Variants in FANCI observed in about 807,000 individuals in gnomAD.
The protein encoded by FANCI is FA complementation group I.
FANCI carries 156 observed loss-of-function variants against 176.1 expected under a neutral mutation model. That is an observed-to-expected ratio of 0.89 (90% confidence interval 0.78 to 1.01). The LOEUF (loss-of-function observed/expected upper bound fraction) is 1.01. FANCI is among the 50% of genes least tolerant of loss of function. The pLI, the probability that FANCI is intolerant of heterozygous loss-of-function variation, is 0.00. For synonymous variants in FANCI, 613 were observed against 541.7 expected (o/e 1.13, Z -1.83); for missense variants, 1,678 against 1,534.1 (o/e 1.09, Z -1.57).
rs1380647020 is a variant in FANCI at position 89,283,373 on chromosome 15, A to C, written c.1698+123A>C. 4 of 1,380,876 alleles carry C rather than the reference A, an allele frequency of 2.9e-6. No individual in the cohort carries two copies. In the African/African-American group the frequency reaches 5.7e-5, roughly 20 times the overall value. 85.5% of individuals were successfully genotyped at this position (1,380,876 alleles called of 1,614,324 possible). On this transcript the variant is annotated intron_variant, in intron 17 of 37. Coordinates refer to ENST00000310775, the MANE Select transcript of FANCI (RefSeq NM_001113378.2). ...AATGATCCTAGAACTAAAGAGTCTG[A>C]TGATGATGATGGTGCTGATGATGAT...
In FANCI at chr15:89,299,806, G is replaced by T; in HGVS notation, c.2643G>T (p.Leu881Phe). 6.2e-7 allele frequency: 1 copy of T among 1,613,440 alleles called. No homozygotes were observed. Among genetic ancestry groups the T allele is most frequent in the Non-Finnish European group, 8.5e-7 (1 of 1,179,794 alleles). The stretch of plus-strand genomic sequence containing the variant: ...CCACTTTCTCCTGCTTCAGAGTCTT[G>T]CTATGGAGATACACTTCAATTCCTA... ...FQNLCDITRV[L>F]LWRYTSIPTS... Residue 881 changes from leucine to phenylalanine, a missense_variant, in exon 25 of 38, where the codon TTG becomes TTT. By Grantham distance (22) the Leu-to-Phe change is conservative. Around this residue, in one of 3 missense-constraint regions of FANCI, gnomAD observed 1,204 missense variants for 1,077.4 expected, o/e 1.12. Transcript: ENST00000310775.
In FANCI at chr15:89,261,186, G is replaced by A. The variant is rs76700063; in HGVS notation, c.288+343G>A. On this transcript the variant is annotated intron_variant, in intron 4 of 37. Coordinates refer to ENST00000310775, the MANE Select transcript of FANCI (RefSeq NM_001113378.2). Reference sequence around the variant, plus strand: ...CTTGGGAGGCTGAGGCAGGAAGATCGCCTGAGCCAGGGAGGCGGAGGTTGC... The same window carrying A: ...CTTGGGAGGCTGAGGCAGGAAGATCACCTGAGCCAGGGAGGCGGAGGTTGC... Among the ~76,000 whole-genome samples, 733 of 152,192 alleles carry A rather than the reference G, an allele frequency of 4.8e-3. 25 individuals carry two copies. In the East Asian group the frequency reaches 0.091, roughly 19 times the overall value.
intron 18 of FANCI, among the ~76,000 whole-genome samples, chr15:89,289,891 T>C (rs995090637): frequency 6.6e-6 from 1 of 151,538 alleles, no homozygotes; most frequent in Non-Finnish European, 1.5e-5. Flanking sequence ...AGGGTTTTGC[T>C]GTGTTGGCCA....
chr15:89,267,278 C>T (rs1196137116), intron 9 of FANCI, among the ~76,000 whole-genome samples: 1 of 150,650 alleles, frequency 6.6e-6, no homozygotes, highest in Non-Finnish European at 1.5e-5. Context: ...TGAGATTGCA[C>T]CTTTGCATTC....
At chr15:89,268,803 G>A (rs2053082746) in intron 10 of FANCI, among the ~76,000 whole-genome samples, 1 of 151,838 alleles carries the variant, frequency 6.6e-6, no homozygotes, top group Non-Finnish European at 1.5e-5. Context: ...CAAAAAAGTG[G>A]GAAAAAAGGT....
intron 10 of FANCI, among the ~76,000 whole-genome samples, chr15:89,269,800 T>C (rs1207221183): frequency 2.6e-5 from 4 of 151,980 alleles, no homozygotes; most frequent in Non-Finnish European, 5.9e-5. Context: ...TGTGGGATAT[T>C]ATTCTTCCTT....
rs1261021714 is a variant in FANCI, at chr15:89,299,891, G to C, written c.2728G>C (p.Glu910Gln). Residue 910 changes from glutamate to glutamine, a missense_variant, in exon 25 of 38, where the codon GAG becomes CAG. Physicochemically the swap from Glu to Gln is conservative, Grantham distance 29 (BLOSUM62 2). Coordinates refer to ENST00000310775, the MANE Select transcript of FANCI (RefSeq NM_001113378.2). The stretch of plus-strand genomic sequence containing the variant: ...AAAGAGCATCTCACTGCTGTGCTTG[G>C]AGGGTTTACAGAAAATATTCAGTGC... ...KGKSISLLCL[E>Q]GLQKIFSAVQ... 5 of 1,614,122 alleles carry C rather than the reference G, an allele frequency of 3.1e-6. No homozygotes were observed. The highest frequency in any genetic ancestry group is 3.4e-6 in the Non-Finnish European group (4 of 1,180,000).
At chr15:89,281,944 C>T (rs561405932) in intron 16 of FANCI, 109 bp downstream of exon 16, 2 of 1,036,702 alleles carry the variant, frequency 1.9e-6, no homozygotes, top group East Asian at 4.8e-5. Context: ...CATGAGAATT[C>T]CTAGCCCCGC....
At chr15:89,293,653 A>C (rs1429822165) in intron 22 of FANCI, among the ~76,000 whole-genome samples, 180 bp from the exon 23 acceptor site, 1 of 152,194 alleles carries the variant, frequency 6.6e-6, no homozygotes, top group African/African-American at 2.4e-5. Flanking sequence ...ACACCAGGGG[A>C]AACAAAACCC....
In FANCI at chr15:89,303,919, A is replaced by G. The variant is rs2054616468; in HGVS notation, c.3058+4A>G. On this transcript the variant is annotated splice_donor_region_variant and intron_variant, in intron 28 of 37. Coordinates refer to ENST00000310775, the MANE Select transcript of FANCI (RefSeq NM_001113378.2). ...ATTTGCAAGGAAAACAGCCGGGGTA[A>G]GTTTACTGCCATGTTTTCCTAAAGG... 39 of 1,613,850 alleles carry G rather than the reference A, an allele frequency of 2.4e-5. No homozygotes were observed. Among genetic ancestry groups the G allele is most frequent in the Non-Finnish European group, 3.3e-5 (39 of 1,179,706 alleles).
intron 12 of FANCI, among the ~76,000 whole-genome samples, chr15:89,276,488 C>T (rs2053416597): frequency 6.6e-6 from 1 of 152,094 alleles, no homozygotes; most frequent in African/African-American, 2.4e-5. Context: ...TGGATTTTCC[C>T]AGTATTCTGT....
intron 34 of FANCI, among the ~76,000 whole-genome samples, chr15:89,309,736 T>G (rs2054880861): frequency 1.3e-5 from 2 of 152,114 alleles, no homozygotes; most frequent in East Asian, 1.9e-4. Flanking sequence ...ATAAAAACAG[T>G]GCTGAGAGTT....
chr15:89,304,220 C>A (rs937059790), intron 28 of FANCI, among the ~76,000 whole-genome samples: 3 of 152,196 alleles, frequency 2.0e-5, no homozygotes, highest in Non-Finnish European at 2.9e-5. Flanking sequence ...TGGAAGAATT[C>A]TCTTAGCAGC....
intron 14 of FANCI, among the ~76,000 whole-genome samples, chr15:89,280,574 T>G (rs1402692664): frequency 6.6e-6 from 1 of 151,690 alleles, no homozygotes; most frequent in Non-Finnish European, 1.5e-5. Context: ...TAGTTTAAGT[T>G]CCTTCTCCTC....
chr15:89,276,862 G>A lies in FANCI; in HGVS notation c.1264G>A (p.Gly422Arg), dbSNP rs146040966. 2.3e-4 allele frequency: 376 copies of A among 1,614,002 alleles called. No individual in the cohort carries two copies. Among genetic ancestry groups the A allele is most frequent in the Non-Finnish European group, 3.0e-4 (355 of 1,180,036 alleles). ...RMPNQHACKL[G>R]ANILLETFKI... ...GCCAAACCAGCATGCATGTAAGCTC[G>A]GAGCTAATATCCTGTTGGAAACTTT... The change falls in exon 13 of 38, where the codon GGA (glycine) becomes AGA (arginine). Residue 422 changes from glycine (G) to arginine (R), a missense_variant. Gly to Arg is a moderately radical substitution (Grantham distance 125, BLOSUM62 -2). Transcript: ENST00000310775.
rs866618558 is a variant in FANCI, at chr15:89,297,205, C to T, written c.2636+2111C>T. Among the ~76,000 whole-genome samples, 387 of 151,896 alleles carry T rather than the reference C, an allele frequency of 2.5e-3. 8 individuals are homozygous for T. The highest frequency in any genetic ancestry group is 0.014 in the East Asian group (73 of 5,122). On this transcript the variant is annotated intron_variant, in intron 24 of 37. Transcript: ENST00000310775. ...GCTCCTCACATCCCAGACGGGGCGG[C>T]GGGGCAGAGGCGCTCCCCACATCTC...
At chr15:89,258,263 G>T (rs1183190236) in intron 2 of FANCI, among the ~76,000 whole-genome samples, 2 of 151,970 alleles carry the variant, frequency 1.3e-5, no homozygotes, top group Non-Finnish European at 2.9e-5. Context: ...CTACCCTAGA[G>T]GAAATTTCCT....
intron 2 of FANCI, among the ~76,000 whole-genome samples, 168 bp downstream of exon 2, chr15:89,247,899 G>A (rs1718578663): frequency 6.6e-6 from 1 of 152,216 alleles, no homozygotes; most frequent in South Asian, 2.1e-4. Flanking sequence ...AAATTGGGGT[G>A]AGGGAATGAG....
At chr15:89,302,578 T>A (rs539449681) in intron 27 of FANCI, among the ~76,000 whole-genome samples, 73 of 143,690 alleles carry the variant, frequency 5.1e-4, no homozygotes, top group South Asian at 2.4e-3. Flanking sequence ...TAAAAAAAAA[T>A]TTTTTTTTTT....
Sources: gnomAD v4.1 joint callset for allele counts (sites outside exome capture counted in the v4.1 genomes callset) on GRCh38, gnomAD v4.1.1 for gene constraint, gnomAD v4.1.1 regional missense constraint, MANE v1.5 for transcripts, NCBI Gene and HGNC (gene_info 2026-07-23, HGNC 2026-07-21) for gene names.